Variants in DLG2 observed in about 807,000 individuals in gnomAD.
The protein encoded by DLG2 is discs large MAGUK scaffold protein 2.
DLG2 carries 45 observed loss-of-function variants against 132.5 expected under a neutral mutation model. That is an observed-to-expected ratio of 0.34 (90% CI 0.27 to 0.44). The LOEUF (loss-of-function observed/expected upper bound fraction) is 0.44, where lower values mean the gene tolerates loss of function less well. DLG2 is among the 20% of genes least tolerant of loss of function. DLG2 has a pLI of 1.00. For synonymous variants in DLG2, 424 were observed against 419.6 expected, an observed-to-expected ratio of 1.01 and a Z score of -0.13; for missense variants, 1,045 against 1,196.9, an observed-to-expected ratio of 0.87 and a Z score of 1.87.
chr11:84,174,014 C>CTTTTTTT (rs11338428), intron 8 of DLG2, among the ~76,000 whole-genome samples: 1,041 of 61,158 alleles, frequency 0.017, 206 homozygotes, highest in African/African-American at 0.05. Flanking sequence ...ACCCCCCGGC[C>CTTTTTTT]TTTTTTTTTT....
intron 5 of DLG2, among the ~76,000 whole-genome samples, chr11:85,150,699 AGTGTGTGTGTGTGTGTGTGTGTGTGT>A (rs71036459): frequency 6.3e-5 from 8 of 127,258 alleles, no homozygotes; most frequent in Non-Finnish European, 1.2e-4. Flanking sequence ...AAGGCTACAT[AGTGTGTGTGTGTGTGTGTGTGTGTGT>A]GTGTGTGTGT....
intron 18 of DLG2, among the ~76,000 whole-genome samples, chr11:83,679,492 G>A (rs1430278637): frequency 1.3e-5 from 2 of 152,046 alleles, no homozygotes; most frequent in Admixed American, 1.3e-4. Context: ...ACTATCCTAG[G>A]AATTAGTTAA....
chr11:84,532,041 T>C (rs1289269294), intron 7 of DLG2, among the ~76,000 whole-genome samples: 1 of 151,094 alleles, frequency 6.6e-6, no homozygotes, highest in Non-Finnish European at 1.5e-5. Context: ...GATGTTCAGA[T>C]AATTATATTA....
At chr11:85,071,147 G>A (rs1216773199) in intron 6 of DLG2, among the ~76,000 whole-genome samples, 1 of 151,872 alleles carries the variant, frequency 6.6e-6, no homozygotes, top group Non-Finnish European at 1.5e-5. Flanking sequence ...TCAGAACACT[G>A]TCTAGCACAT....
chr11:83,906,246 C>CTG (rs2074826670), intron 15 of DLG2, among the ~76,000 whole-genome samples: 2 of 101,374 alleles, frequency 2.0e-5, no homozygotes, highest in Non-Finnish European at 4.1e-5. Flanking sequence ...CTCTCTCTCT[C>CTG]TCTCTCTCTC....
chr11:84,996,008 C>T (rs911116366), intron 6 of DLG2, among the ~76,000 whole-genome samples: 11 of 152,074 alleles, frequency 7.2e-5, no homozygotes, highest in African/African-American at 1.7e-4. Context: ...ATCATCTCTT[C>T]GCATCTTCTA....
intron 6 of DLG2, among the ~76,000 whole-genome samples, chr11:84,931,110 C>T (rs189190376): frequency 1.0e-3 from 157 of 152,216 alleles, no homozygotes; most frequent in African/African-American, 2.5e-3. Flanking sequence ...TTGAAACACC[C>T]TTACCCTACG....
At chr11:84,763,166 C>T (rs997854636) in intron 6 of DLG2, 1 of 152,290 alleles carries the variant, frequency 6.6e-6, no homozygotes, top group Non-Finnish European at 1.5e-5. Flanking sequence ...AGTGCCAACT[C>T]TAACATAGGA....
At chr11:83,713,704 G>A (rs1457486072) in intron 18 of DLG2, among the ~76,000 whole-genome samples, 2 of 152,172 alleles carry the variant, frequency 1.3e-5, no homozygotes. Context: ...TAAAATGAGG[G>A]ATGAATAAAT....
At chr11:84,105,159 T>C (rs1284845402) in intron 9 of DLG2, among the ~76,000 whole-genome samples, 2 of 152,170 alleles carry the variant, frequency 1.3e-5, no homozygotes, top group East Asian at 3.8e-4. Context: ...CTTCATTGGA[T>C]TTTTGGAAAA....
chr11:84,671,892 T>A (rs2099706278), intron 6 of DLG2, among the ~76,000 whole-genome samples: 1 of 152,126 alleles, frequency 6.6e-6, no homozygotes, highest in South Asian at 2.1e-4. Flanking sequence ...TTTTGTTTTG[T>A]TTTGTCTTCC....
At chr11:85,274,806 C>G (rs915364837) in intron 4 of DLG2, among the ~76,000 whole-genome samples, 1 of 152,144 alleles carries the variant, frequency 6.6e-6, no homozygotes, top group Admixed American at 6.6e-5. Flanking sequence ...GACTCCCATT[C>G]CAGAAAGGTT....
chr11:83,772,911 C>T (rs369969452), intron 18 of DLG2, among the ~76,000 whole-genome samples: 5 of 152,042 alleles, frequency 3.3e-5, no homozygotes, highest in South Asian at 2.1e-4. Flanking sequence ...TCAATGGAGA[C>T]GAAGAGGATA....
intron 16 of DLG2, among the ~76,000 whole-genome samples, chr11:83,850,521 T>C (rs2059566712): frequency 6.6e-6 from 1 of 150,956 alleles, no homozygotes; most frequent in Middle Eastern, 3.2e-3. Flanking sequence ...GGATAATAAT[T>C]AATGAATAAG....
chr11:84,974,599 C>G (rs2054598722), intron 6 of DLG2, among the ~76,000 whole-genome samples: 1 of 152,180 alleles, frequency 6.6e-6, no homozygotes, highest in African/African-American at 2.4e-5. Flanking sequence ...CAAGACACGT[C>G]TTCAGTTGAT....
At chr11:83,721,765 T>A (rs1011864013) in intron 18 of DLG2, among the ~76,000 whole-genome samples, 1 of 152,192 alleles carries the variant, frequency 6.6e-6, no homozygotes, top group African/African-American at 2.4e-5. Flanking sequence ...ATTGAGAAAT[T>A]CCACATATGC....
intron 6 of DLG2, among the ~76,000 whole-genome samples, chr11:84,717,788 C>A (rs193154595): frequency 2.3e-4 from 35 of 152,108 alleles, no homozygotes; most frequent in Admixed American, 2.0e-3. Context: ...GCCATATAAG[C>A]AACAATCATT....
At chr11:83,559,521 C>T (rs185476873) in intron 19 of DLG2, among the ~76,000 whole-genome samples, 18 of 152,216 alleles carry the variant, frequency 1.2e-4, no homozygotes, top group Non-Finnish European at 2.1e-4. Flanking sequence ...CAGGTTGTGG[C>T]TAGAGACAGA....
intron 11 of DLG2, among the ~76,000 whole-genome samples, chr11:84,035,397 G>T (rs1483384): frequency 0.65 from 98,239 of 151,982 alleles, 34,051 homozygotes; most frequent in Non-Finnish European, 0.78. Flanking sequence ...GTTTGGTTGT[G>T]ATACATACTA....
Sources: gnomAD v4.1 joint callset for allele counts (sites outside exome capture counted in the v4.1 genomes callset) on GRCh38, gnomAD v4.1.1 for gene constraint, MANE v1.5 for transcripts, NCBI Gene and HGNC (gene_info 2026-07-23, HGNC 2026-07-21) for gene names.